SPATA45: variants seen among roughly 807,000 people sequenced by gnomAD.
SPATA45 encodes spermatogenesis associated 45.
Under a neutral mutation model 7.0 loss-of-function variants are expected in SPATA45, and 5 were observed. The ratio of observed to expected loss-of-function variants is 0.71; its 90% confidence interval spans 0.37 to 1.50. The LOEUF (loss-of-function observed/expected upper bound fraction) is 1.50. Ranked by LOEUF, SPATA45 falls within the 40% of genes most tolerant of loss-of-function variation. The pLI is 0.03. For synonymous variants in SPATA45, 40 were observed against 38.7 expected, an observed-to-expected ratio of 1.03 and a Z score of -0.13; for missense variants, 111 against 114.9, an observed-to-expected ratio of 0.97 and a Z score of 0.16.
rs781040729 is a variant in SPATA45, at chr1:212,836,160, A to C, written c.-11T>G. The C allele has an allele frequency of 6.3e-7, 1 of 1,590,342 alleles. No homozygotes were observed. Among genetic ancestry groups the C allele is most frequent in the East Asian group, 2.2e-5 (1 of 44,644 alleles). Reference sequence around the variant, plus strand: ...GTTTATAGATGCCATTATGGTCACAAACCAATTGTCAAGTGATTCTTGCTG... The same window carrying C: ...GTTTATAGATGCCATTATGGTCACACACCAATTGTCAAGTGATTCTTGCTG... On this transcript the variant is annotated 5_prime_UTR_variant, in exon 2 of 3. Coordinates refer to ENST00000332912, the MANE Select transcript of SPATA45 (RefSeq NM_001024601.3).
intron 1 of SPATA45, among the ~76,000 whole-genome samples, chr1:212,837,390 T>C (rs1003201085): frequency 1.4e-4 from 21 of 151,402 alleles, no homozygotes; most frequent in Admixed American, 1.4e-3. Flanking sequence ...TCCCAGCACG[T>C]TGGGAGGCCA....
intron 1 of SPATA45, among the ~76,000 whole-genome samples, chr1:212,841,451 C>T (rs1387305744): frequency 2.6e-5 from 4 of 152,050 alleles, no homozygotes; most frequent in Admixed American, 2.6e-4. Flanking sequence ...GTATAAGCCA[C>T]TGTGCCTCAC....
intron 2 of SPATA45, among the ~76,000 whole-genome samples, chr1:212,833,598 C>A (rs1663528595): frequency 6.6e-6 from 1 of 151,234 alleles, no homozygotes; most frequent in African/African-American, 2.4e-5. Context: ...GCAGAGGTTG[C>A]AGTGAGCTGA....
Position 212,837,791 on chromosome 1 carries a change from G to GATT in SPATA45, c.-38-1607_-38-1605dup, listed in dbSNP as rs1663615080. Among the ~76,000 whole-genome samples, 2 of 151,760 alleles carry GATT rather than the reference G, an allele frequency of 1.3e-5. 1 individual carries two copies. Among genetic ancestry groups the GATT allele is most frequent in the Non-Finnish European group, 2.9e-5 (2 of 67,814 alleles). On this transcript the variant is annotated intron_variant, in intron 1 of 2. Coordinates refer to ENST00000332912, the MANE Select transcript of SPATA45 (RefSeq NM_001024601.3). ...CACTCCAGCCTGGGTGTCAGAGCAA[G>GATT]ATTTGGAAAGATAGCGAAATATTCA...
chr1:212,845,208 A>G (rs1243480088), intron 1 of SPATA45, among the ~76,000 whole-genome samples: 1 of 152,184 alleles, frequency 6.6e-6, no homozygotes. Flanking sequence ...TCTATCCTCA[A>G]GAAAATCACT....
At chr1:212,843,231 G>A (rs918651228) in intron 1 of SPATA45, among the ~76,000 whole-genome samples, 7 of 149,404 alleles carry the variant, frequency 4.7e-5, no homozygotes, top group Non-Finnish European at 5.9e-5. Flanking sequence ...CAGAGGTTGC[G>A]GTGAGCCAAG....
chr1:212,843,041 G>A (rs765044810), intron 1 of SPATA45, among the ~76,000 whole-genome samples: 25 of 151,664 alleles, frequency 1.6e-4, no homozygotes, highest in Non-Finnish European at 2.6e-4. Flanking sequence ...AGCTTGCAGC[G>A]AGCCGAGATT....
chr1:212,845,517 T>G (rs1030082313), intron 1 of SPATA45, among the ~76,000 whole-genome samples: 4 of 152,168 alleles, frequency 2.6e-5, no homozygotes, highest in Non-Finnish European at 5.9e-5. Flanking sequence ...GGACCGGCCT[T>G]TATTAGTCAA....
At chr1:212,841,254 G>A (rs6661333) in intron 1 of SPATA45, among the ~76,000 whole-genome samples, 16,061 of 151,982 alleles carry the variant, frequency 0.11, 1,371 homozygotes, top group African/African-American at 0.24. Context: ...TGCCTCCTAG[G>A]CTCAAGTGAT....
Position 212,835,865 on chromosome 1 carries a change from C to T in SPATA45, c.277+8G>A. The T allele has an allele frequency of 6.4e-7, 1 of 1,565,326 alleles. No individual in the cohort carries two copies. The highest frequency in any genetic ancestry group is 8.6e-7 in the Non-Finnish European group (1 of 1,156,274). On this transcript the variant is annotated splice_region_variant and intron_variant, in intron 2 of 2. Coordinates refer to ENST00000332912, the MANE Select transcript of SPATA45 (RefSeq NM_001024601.3). ...AAAAAAAAAAAAAATCCTATGATAA[C>T]TTCTTACTTTTTGGTGGAAAGTGCT...
intron 1 of SPATA45, among the ~76,000 whole-genome samples, chr1:212,841,824 C>A (rs961303219): frequency 2.6e-5 from 4 of 152,058 alleles, no homozygotes; most frequent in Non-Finnish European, 5.9e-5. Context: ...GTGGCGTGAT[C>A]TTGGCTCACT....
chr1:212,845,589 C>T (rs1663778708), intron 1 of SPATA45, among the ~76,000 whole-genome samples: 1 of 152,138 alleles, frequency 6.6e-6, no homozygotes, highest in Admixed American at 6.6e-5. Flanking sequence ...CCTCAAATCG[C>T]CACCCTTAAG....
At chr1:212,835,582 C>T (rs1410162899) in intron 2 of SPATA45, among the ~76,000 whole-genome samples, 2 of 150,718 alleles carry the variant, frequency 1.3e-5, no homozygotes, top group Non-Finnish European at 3.0e-5. Flanking sequence ...CCTGTAATCG[C>T]AGCACTTTAG....
At chr1:212,841,983 A>G (rs1227992443) in intron 1 of SPATA45, among the ~76,000 whole-genome samples, 2 of 150,062 alleles carry the variant, frequency 1.3e-5, no homozygotes, top group African/African-American at 4.9e-5. Flanking sequence ...CTGGTCTTGA[A>G]CTCCTGACCT....
chr1:212,837,135 CAT>C (rs1322244798), intron 1 of SPATA45, among the ~76,000 whole-genome samples: 4 of 150,976 alleles, frequency 2.6e-5, no homozygotes, highest in Non-Finnish European at 4.4e-5. Flanking sequence ...AAAAATAATA[CAT>C]GTTTATTACA....
intron 2 of SPATA45, among the ~76,000 whole-genome samples, chr1:212,834,033 G>A (rs1245650034): frequency 1.3e-5 from 2 of 151,704 alleles, no homozygotes; most frequent in Non-Finnish European, 3.0e-5. Context: ...ATAGGCATGA[G>A]CCACCTTGCC....
At position 212,836,815 on chromosome 1, in the gene SPATA45, A is replaced by AT. The variant is rs201077050; in HGVS notation, c.-38-629dup. Reference sequence around the variant, plus strand: ...AGGCATGCACCACCATGCCCAGCTAATTTTTTTTTTTTTTTGTATTTTTAG... The same window carrying AT: ...AGGCATGCACCACCATGCCCAGCTAATTTTTTTTTTTTTTTTGTATTTTTAG... On this transcript the variant is annotated intron_variant, in intron 1 of 2. Coordinates refer to ENST00000332912, the MANE Select transcript of SPATA45 (RefSeq NM_001024601.3). Among the ~76,000 whole-genome samples the AT allele has an allele frequency of 2.0e-3, 278 of 137,652 alleles. 2 individuals are homozygous for AT. The highest frequency in any genetic ancestry group is 4.8e-3 in the African/African-American group (181 of 37,616). 90.3% of individuals were successfully genotyped at this position (137,652 alleles called of 152,430 possible). A position where few individuals can be genotyped will look rare whatever the true frequency, so the allele number is the denominator to read the frequency against.
At position 212,833,635 on chromosome 1, in the gene SPATA45, G is replaced by C. The variant is rs182062215; in HGVS notation, c.277+2238C>G. ...ATCACGTCATTGCACTTCAGCCTGG[G>C]TGACAGAGAGACTCAGCTTTCACAG... On this transcript the variant is annotated intron_variant, in intron 2 of 2. Transcript: ENST00000332912. Among the ~76,000 whole-genome samples the C allele has an allele frequency of 2.6e-5, 4 of 151,806 alleles. No homozygotes were observed. In the East Asian group the frequency reaches 7.7e-4, roughly 29 times the overall value.
chr1:212,845,995 A>C (rs1663786186), intron 1 of SPATA45, among the ~76,000 whole-genome samples: 1 of 152,120 alleles, frequency 6.6e-6, no homozygotes, highest in African/African-American at 2.4e-5. Context: ...ATTATGCTGA[A>C]CCCCCTTGGG....
Sources: allele counts gnomAD v4.1 joint callset (sites outside exome capture counted in the v4.1 genomes callset), GRCh38; gene constraint gnomAD v4.1.1; transcripts MANE v1.5; gene names NCBI Gene and HGNC (gene_info 2026-07-23, HGNC 2026-07-21).